AKAP14: variants seen among roughly 807,000 people sequenced by gnomAD.
AKAP14 encodes the protein A-kinase anchoring protein 14.
In AKAP14, 4 loss-of-function variants were observed where a neutral mutation model predicts 17.0. That is an observed-to-expected ratio of 0.23 (90% CI 0.12 to 0.54). The LOEUF (loss-of-function observed/expected upper bound fraction) is 0.54, where lower values mean the gene tolerates loss of function less well. Ranked by LOEUF, AKAP14 falls within the 20% of genes least tolerant of loss-of-function variation. The pLI, the probability that AKAP14 is intolerant of heterozygous loss-of-function variation, is 0.95. For synonymous variants in AKAP14, 42 were observed against 51.3 expected, an observed-to-expected ratio of 0.82 and a Z score of 0.77; for missense variants, 129 against 150.9, an observed-to-expected ratio of 0.85 and a Z score of 0.76.
At chrX:119,898,813 AG>A (rs887905148) in intron 2 of AKAP14, among the ~76,000 whole-genome samples, 5 of 106,874 alleles carry the variant, frequency 4.7e-5, no homozygotes, top group Non-Finnish European at 9.6e-5. Flanking sequence ...AAAAAAAAAA[AG>A]AGTTGCCTTT....
chrX:119,902,303 T>A (rs2056571115), intron 2 of AKAP14, among the ~76,000 whole-genome samples: 1 of 110,889 alleles, frequency 9.0e-6, no homozygotes, highest in African/African-American at 3.3e-5. Flanking sequence ...CTTCAACTCC[T>A]GACCTCGTGA....
rs748948632 is a variant in AKAP14 at position 119,919,973 on chromosome X, A to G, written c.494+10A>G. 1 of 1,206,989 alleles carries G rather than the reference A, an allele frequency of 8.3e-7. No individual in the cohort carries two copies. Among genetic ancestry groups the G allele is most frequent in the South Asian group, 1.8e-5 (1 of 56,801 alleles). Reference sequence around the variant, plus strand: ...AAGCATTAGTTCACAGGTAATGAACATTTGGAGGTTTGTTTTAAAAGGGTG... The same window carrying G: ...AAGCATTAGTTCACAGGTAATGAACGTTTGGAGGTTTGTTTTAAAAGGGTG... On this transcript the variant is annotated intron_variant, in intron 6 of 6. Coordinates refer to ENST00000371431, the MANE Select transcript of AKAP14 (RefSeq NM_178813.6).
Position 119,917,592 on chromosome X carries a change from C to T in AKAP14, c.442-2319C>T, listed in dbSNP as rs181304954. On this transcript the variant is annotated intron_variant, in intron 5 of 6. Coordinates refer to ENST00000371431, the MANE Select transcript of AKAP14 (RefSeq NM_178813.6). ...TGCACTCCAGCCTGGGTACCAAGAGCGAAACACCATTTCAAAAAAAAAAGA... is the reference window on the plus strand; with the variant it reads ...TGCACTCCAGCCTGGGTACCAAGAGTGAAACACCATTTCAAAAAAAAAAGA... 5.3e-3 allele frequency among the ~76,000 whole-genome samples: 553 copies of T among 103,654 alleles called. 2 individuals carry two copies. Among genetic ancestry groups the T allele is most frequent in the Non-Finnish European group, 8.9e-3 (454 of 50,857 alleles). The allele number at this position is 103,654 out of a possible 115,157, so 90.0% of individuals were successfully genotyped here.
chrX:119,914,971 T>A, intron 5 of AKAP14, 93 bp downstream of exon 5: 1 of 916,375 alleles, frequency 1.1e-6, no homozygotes, highest in Non-Finnish European at 1.5e-6. Flanking sequence ...TTACAAAATT[T>A]AATAGTCATA....
At chrX:119,897,626 C>G (rs1053595821) in intron 2 of AKAP14, among the ~76,000 whole-genome samples, 17 of 112,155 alleles carry the variant, frequency 1.5e-4, no homozygotes, top group African/African-American at 5.2e-4. Context: ...CTAGGGAGAG[C>G]CAGTTCTCTA....
intron 2 of AKAP14, among the ~76,000 whole-genome samples, chrX:119,898,541 C>T (rs1336927253): frequency 9.0e-6 from 1 of 110,730 alleles, no homozygotes; most frequent in Non-Finnish European, 1.9e-5. Flanking sequence ...CCTGTAATCC[C>T]AGCACTTTGG....
intron 4 of AKAP14, among the ~76,000 whole-genome samples, chrX:119,912,798 G>A (rs1462600036): frequency 1.8e-5 from 2 of 111,436 alleles, no homozygotes; most frequent in Non-Finnish European, 3.8e-5. Context: ...AAATCCACGT[G>A]CGCTCAAGTC....
intron 4 of AKAP14, among the ~76,000 whole-genome samples, chrX:119,912,786 C>A (rs1431863943): frequency 9.0e-6 from 1 of 111,535 alleles, no homozygotes; most frequent in African/African-American, 3.3e-5. Flanking sequence ...CCATGCATAT[C>A]AAAATCCACG....
At chrX:119,899,651 GT>G (rs907169920) in intron 2 of AKAP14, among the ~76,000 whole-genome samples, 3 of 111,513 alleles carry the variant, frequency 2.7e-5, no homozygotes, top group African/African-American at 9.8e-5. Flanking sequence ...TCCTTATTGT[GT>G]GGAACCCCCT....
At chrX:119,905,128 T>C (rs1305116524) in intron 4 of AKAP14, among the ~76,000 whole-genome samples, 2 of 110,861 alleles carry the variant, frequency 1.8e-5, no homozygotes, top group African/African-American at 6.5e-5. Context: ...GGAGGCGAAC[T>C]CCCCTACCCC....
chrX:119,904,414 A>C (rs1186354406), intron 4 of AKAP14, among the ~76,000 whole-genome samples: 1 of 112,757 alleles, frequency 8.9e-6, no homozygotes, highest in Admixed American at 9.5e-5. Flanking sequence ...TTTGCTGAGA[A>C]GGCCCTGGAT....
At chrX:119,916,221 G>A (rs2056655899) in intron 5 of AKAP14, among the ~76,000 whole-genome samples, 2 of 108,870 alleles carry the variant, frequency 1.8e-5, no homozygotes, top group Non-Finnish European at 3.8e-5. Context: ...ATCCAGGTTG[G>A]GGCAGAGTGG....
intron 4 of AKAP14, among the ~76,000 whole-genome samples, chrX:119,912,431 T>C (rs1328207872): frequency 1.8e-5 from 2 of 110,374 alleles, no homozygotes; most frequent in Admixed American, 2.0e-4. Context: ...GAAGAATGGA[T>C]AGATTTGAGA....
chrX:119,903,512 A>G lies in AKAP14; in HGVS notation c.187A>G (p.Lys63Glu). Residue 63 changes from lysine (K) to glutamate (E), a missense_variant, in exon 4 of 7, where the codon AAA becomes GAA. Lys to Glu is a moderately conservative substitution (Grantham distance 56). Coordinates refer to ENST00000371431, the MANE Select transcript of AKAP14 (RefSeq NM_178813.6). ...KIVEEERNPL[K>E]NIKWMTHGEF... ...TTTTGCAGAGGAGCGAAACCCTTTG[A>G]AAAACATCAAGTGGATGACTCACGG... is the stretch of plus-strand genomic sequence containing the variant. The G allele has an allele frequency of 8.3e-7, 1 of 1,211,994 alleles. No homozygotes were observed. The highest frequency in any genetic ancestry group is 1.1e-6 in the Non-Finnish European group (1 of 895,597).
chrX:119,900,948 A>C (rs925054182), intron 2 of AKAP14, among the ~76,000 whole-genome samples: 1 of 112,607 alleles, frequency 8.9e-6, no homozygotes, highest in African/African-American at 3.2e-5. Context: ...AAGATGTAAA[A>C]AACATTGAAA....
intron 4 of AKAP14, among the ~76,000 whole-genome samples, chrX:119,906,215 C>T (rs1346421747): frequency 9.7e-6 from 1 of 102,839 alleles, no homozygotes; most frequent in Non-Finnish European, 1.9e-5. Flanking sequence ...ATGCAGCATG[C>T]CTGGCATTTC....
At chrX:119,908,966 G>A (rs56128042) in intron 4 of AKAP14, among the ~76,000 whole-genome samples, 3,430 of 111,319 alleles carry the variant, frequency 0.031, 61 homozygotes, top group Non-Finnish European at 0.046. Context: ...TAGTGGGGTG[G>A]AGAAAGCACT....
chrX:119,899,798 A>G (rs1056784348), intron 2 of AKAP14, among the ~76,000 whole-genome samples: 1 of 112,023 alleles, frequency 8.9e-6, no homozygotes, highest in African/African-American at 3.2e-5. Flanking sequence ...GGCTGTGATG[A>G]CAGTTAAATG....
At chrX:119,904,611 A>C (rs969881553) in intron 4 of AKAP14, among the ~76,000 whole-genome samples, 2 of 112,039 alleles carry the variant, frequency 1.8e-5, no homozygotes, top group Admixed American at 1.9e-4. Context: ...TAGGCCAGGC[A>C]TAGTGGCTCA....
Sources: gnomAD v4.1 joint callset for allele counts (sites outside exome capture counted in the v4.1 genomes callset) on GRCh38, gnomAD v4.1.1 for gene constraint, MANE v1.5 for transcripts, NCBI Gene and HGNC (gene_info 2026-07-23, HGNC 2026-07-21) for gene names.